The following MIB1 variants were observed in gnomAD, a reference collection of about 807,000 sequenced individuals.
MIB1 encodes the protein MIB E3 ubiquitin protein ligase 1, also known as E3 ubiquitin-protein ligase MIB1.
In MIB1, 278 loss-of-function variants were observed where a neutral mutation model predicts 124.5. The observed-to-expected ratio is 2.23, with a 90% CI of 2.02 to 2.47. MIB1 has a LOEUF of 2.47. Among genes scored for constraint, MIB1 ranks in the 30% most tolerant of loss-of-function variants. The pLI, the probability that MIB1 is intolerant of heterozygous loss-of-function variation, is 0.00. For missense variants in MIB1, 957 were observed against 1,254.4 expected (o/e 0.76, Z 3.58); for synonymous variants, 446 against 429.4 (o/e 1.04, Z -0.48).
intron 6 of MIB1, among the ~76,000 whole-genome samples, chr18:21,783,915 AT>A (rs1317561382): frequency 2.6e-5 from 4 of 151,354 alleles, no homozygotes; most frequent in Non-Finnish European, 5.9e-5. Flanking sequence ...GTCATTAAAA[AT>A]TTTTTTTGTA....
At chr18:21,809,207 A>G (rs894582025) in intron 10 of MIB1, among the ~76,000 whole-genome samples, 13 of 152,128 alleles carry the variant, frequency 8.5e-5, no homozygotes, top group African/African-American at 3.1e-4. Flanking sequence ...GTCAAGACAG[A>G]ATCATGAAGA....
intron 1 of MIB1, among the ~76,000 whole-genome samples, chr18:21,714,531 T>A (rs4561561): frequency 0.46 from 69,756 of 152,014 alleles, 19,503 homozygotes; most frequent in African/African-American, 0.79. Flanking sequence ...TCCAGGGTCC[T>A]TGGGAGTTAG....
intron 11 of MIB1, among the ~76,000 whole-genome samples, chr18:21,816,263 A>G (rs561677299): frequency 2.0e-5 from 3 of 152,298 alleles, no homozygotes; most frequent in Non-Finnish European, 2.9e-5. Context: ...AGGATTTTAG[A>G]GTTGATTTAC....
rs776715638 is a variant in MIB1, at chr18:21,815,782, T to C, written c.1646T>C (p.Leu549Ser). 3 of 1,614,172 alleles carry C rather than the reference T, an allele frequency of 1.9e-6. No individual in the cohort carries two copies. The highest frequency in any genetic ancestry group is 1.1e-5 in the South Asian group (1 of 91,082). ...GGTCATCTTCAAGTTGTGAAGACTTTATTGGACTTTGGCTGTCATCCCAGT... is the reference window on the plus strand; with the variant it reads ...GGTCATCTTCAAGTTGTGAAGACTTCATTGGACTTTGGCTGTCATCCCAGT... ...NKGHLQVVKT[L>S]LDFGCHPSLQ... The change falls in exon 11 of 21, where the codon TTA becomes TCA. Residue 549 changes from leucine (L) to serine (S), a missense_variant. Coordinates refer to ENST00000261537, the MANE Select transcript of MIB1 (RefSeq NM_020774.4).
intron 6 of MIB1, among the ~76,000 whole-genome samples, chr18:21,781,450 C>T (rs190388324): frequency 1.2e-3 from 150 of 121,486 alleles, no homozygotes; most frequent in African/African-American, 4.5e-3. Flanking sequence ...ATGGGGTCTC[C>T]CTCTGTCACC....
rs946833029 is a variant in MIB1 at position 21,741,169 on chromosome 18, C to T, written c.-415C>T. Among the ~76,000 whole-genome samples, 12 of 152,070 alleles carry T rather than the reference C, an allele frequency of 7.9e-5. No homozygotes were observed. The highest frequency in any genetic ancestry group is 2.7e-4 in the African/African-American group (11 of 41,452). On this transcript the variant is annotated 5_prime_UTR_variant, in exon 1 of 21. Transcript: ENST00000261537. This position sits in a 1 kb window ranked among gnomAD's most constrained non-coding sequence, Gnocchi z 5.4. ...AAGGCCGGCAGTTAAGCTTGCTCCC[C>T]GCCGCCCCCCTCGGGCTAGCCTCCC...
intron 7 of MIB1, among the ~76,000 whole-genome samples, chr18:21,796,364 A>G (rs2041579752): frequency 6.7e-6 from 1 of 149,492 alleles, no homozygotes; most frequent in Non-Finnish European, 1.5e-5. Flanking sequence ...GGACACAGGG[A>G]GGGGAACATC....
At chr18:21,731,844 A>G (rs929975261) in intron 1 of MIB1, among the ~76,000 whole-genome samples, 1 of 151,912 alleles carries the variant, frequency 6.6e-6, no homozygotes, top group African/African-American at 2.4e-5. Flanking sequence ...AAAGATAAAT[A>G]TTAAAAACGC....
chr18:21,782,813 G>A (rs1375845648), intron 6 of MIB1, among the ~76,000 whole-genome samples: 3 of 152,038 alleles, frequency 2.0e-5, no homozygotes, highest in Non-Finnish European at 4.4e-5. Flanking sequence ...TAACTTTGAT[G>A]TTTCTTTGTT....
At chr18:21,754,618 T>C (rs1464749158) in intron 1 of MIB1, among the ~76,000 whole-genome samples, 1 of 152,090 alleles carries the variant, frequency 6.6e-6, no homozygotes, top group African/African-American at 2.4e-5. Flanking sequence ...AGTGCATCCT[T>C]TAAGTAAAAA....
At chr18:21,857,690 A>G (rs2042241346) in intron 19 of MIB1, among the ~76,000 whole-genome samples, 1 of 152,278 alleles carries the variant, frequency 6.6e-6, no homozygotes, top group African/African-American at 2.4e-5. Flanking sequence ...CAGAGTAACT[A>G]TAGGTAAACA....
At position 21,799,849 on chromosome 18, in the gene MIB1, TCA is replaced by T. The variant is rs1568207021; in HGVS notation, c.1249_1250del (p.Gln417ThrfsTer7). ...TATTTGATGCTTTACAGAAAGACTC[TCA>T]CAACTCCTGAAGAAATTATTTGAAA... ...AISNASGERLSQLLKKLFETQ... is the reference protein window; with the variant it reads ...AISNASGERLXQLLKKLFETQ... On this transcript the variant is annotated frameshift_variant, in exon 9 of 21. Coordinates refer to ENST00000261537, the MANE Select transcript of MIB1 (RefSeq NM_020774.4). LOFTEE classifies it high-confidence loss of function. 6.2e-7 allele frequency: 1 copy of T among 1,609,812 alleles called. No homozygotes were observed. The highest frequency in any genetic ancestry group is 2.2e-5 in the East Asian group (1 of 44,748).
In MIB1 at chr18:21,778,195, A is replaced by G. The variant is rs376930559; in HGVS notation, c.703+26A>G. 29 of 1,459,138 alleles carry G rather than the reference A, an allele frequency of 2.0e-5. No homozygotes were observed. The Admixed American group carries it at 4.4e-4, about 22-fold the overall frequency. 90.4% of individuals were successfully genotyped at this position (1,459,138 alleles called of 1,614,324 possible). On this transcript the variant is annotated intron_variant, in intron 5 of 20. Transcript: ENST00000261537. ...GTGAGTGAGAAGATTAGAGAGTATT[A>G]CTAAATAATGGGTCAGAGTTCGTGG...
intron 1 of MIB1, among the ~76,000 whole-genome samples, chr18:21,724,727 AATATATATATATATATATATATAT>A (rs60650753): frequency 1.8e-3 from 31 of 17,380 alleles, no homozygotes; most frequent in African/African-American, 3.8e-3. Context: ...AAAAAAAAAA[AATATATATATATATATATATATAT>A]ATATATATAT....
chr18:21,735,883 C>T (rs1012884004), upstream of MIB1, among the ~76,000 whole-genome samples: 54 of 152,230 alleles, frequency 3.5e-4, no homozygotes, highest in African/African-American at 1.2e-3. Flanking sequence ...CAGTCAGGCA[C>T]TTATAGATAA....
chr18:21,738,867 A>C (rs56058459), upstream of MIB1, among the ~76,000 whole-genome samples: 68 of 143,498 alleles, frequency 4.7e-4, no homozygotes, highest in Admixed American at 7.1e-4. Flanking sequence ...AAAAAAAAAA[A>C]CCAACAAAAC....
At position 21,778,609 on chromosome 18, in the gene MIB1, G is replaced by A. The variant is rs1203254268; in HGVS notation, c.703+440G>A. 2.0e-5 allele frequency among the ~76,000 whole-genome samples: 3 copies of A among 151,824 alleles called. No homozygotes were observed. The East Asian group carries it at 5.8e-4, about 29-fold the overall frequency. ...ATGTATCATTAAAATAAAAAAAAGG[G>A]AACAAGAAAACCAAAACTACCTTCA... On this transcript the variant is annotated intron_variant, in intron 5 of 20. Transcript: ENST00000261537.
intron 14 of MIB1, among the ~76,000 whole-genome samples, chr18:21,843,633 C>G (rs1043873521): frequency 1.3e-5 from 2 of 152,152 alleles, no homozygotes; most frequent in Admixed American, 1.3e-4. Context: ...CCATGGCTTT[C>G]TTCATGACCA....
intron 1 of MIB1, among the ~76,000 whole-genome samples, chr18:21,752,133 C>CTGGTCA (rs2040981815): frequency 6.6e-6 from 1 of 152,222 alleles, no homozygotes; most frequent in African/African-American, 2.4e-5. Flanking sequence ...CCAGCTTGAG[C>CTGGTCA]TGGTCAGCCT....
Sources: gnomAD v4.1 joint callset for allele counts (sites outside exome capture counted in the v4.1 genomes callset) on GRCh38, gnomAD v4.1.1 for gene constraint, Gnocchi (gnomAD v3.1) non-coding constraint, MANE v1.5 for transcripts, NCBI Gene and HGNC (gene_info 2026-07-23, HGNC 2026-07-21) for gene names.